Variants in PTPRR observed in about 807,000 individuals in gnomAD.
PTPRR encodes the protein receptor-type tyrosine-protein phosphatase R.
PTPRR carries 38 observed loss-of-function variants against 77.2 expected under a neutral mutation model. That is an observed-to-expected ratio of 0.49 (90% CI 0.38 to 0.65). PTPRR has a LOEUF of 0.65. PTPRR is among the 30% of genes least tolerant of loss of function. The pLI is 0.00. For synonymous variants in PTPRR, 299 were observed against 283.1 expected (o/e 1.06, Z -0.57); for missense variants, 744 against 799.2 (o/e 0.93, Z 0.83).
chr12:70,762,956 C>T (rs907293210), intron 3 of PTPRR, among the ~76,000 whole-genome samples: 1 of 151,986 alleles, frequency 6.6e-6, no homozygotes. Flanking sequence ...CCTCCTTCAC[C>T]CTTGCAAACA....
intron 1 of PTPRR, among the ~76,000 whole-genome samples, chr12:70,905,723 G>T (rs1893611482): frequency 6.6e-6 from 1 of 151,836 alleles, no homozygotes; most frequent in Non-Finnish European, 1.5e-5. Context: ...AAGGTAGAAT[G>T]GCCTTGTATA....
intron 10 of PTPRR, chr12:70,664,787 C>T (rs899250143): frequency 1.3e-5 from 2 of 152,186 alleles, no homozygotes; most frequent in Non-Finnish European, 2.9e-5. Context: ...TTCATTCAAA[C>T]AACCCTTAAT....
chr12:70,718,390 C>T (rs1171301075), intron 6 of PTPRR, among the ~76,000 whole-genome samples: 8 of 152,040 alleles, frequency 5.3e-5, no homozygotes, highest in African/African-American at 9.7e-5. Flanking sequence ...CTCAGCCTCC[C>T]GAGTAGCTGG....
chr12:70,828,496 T>G (rs972971853), intron 2 of PTPRR, among the ~76,000 whole-genome samples: 1 of 152,244 alleles, frequency 6.6e-6, no homozygotes, highest in East Asian at 1.9e-4. Flanking sequence ...AGATGCATTT[T>G]GGCTTCATTT....
intron 2 of PTPRR, among the ~76,000 whole-genome samples, chr12:70,858,772 C>G (rs1892696629): frequency 6.6e-6 from 1 of 152,008 alleles, no homozygotes; most frequent in Non-Finnish European, 1.5e-5. Context: ...ATAAAGGCTA[C>G]TCAATGTTGC....
chr12:70,724,106 GTTT>G (rs569392403), intron 6 of PTPRR, among the ~76,000 whole-genome samples: 23 of 152,022 alleles, frequency 1.5e-4, no homozygotes, highest in Non-Finnish European at 1.5e-4. Context: ...GTTATAAGAG[GTTT>G]TTTAAGTTAC....
At chr12:70,682,889 T>C (rs1052055531) in intron 10 of PTPRR, among the ~76,000 whole-genome samples, 9 of 152,108 alleles carry the variant, frequency 5.9e-5, no homozygotes, top group Non-Finnish European at 1.0e-4. Context: ...GTGAATTGAG[T>C]ATATAACCTT....
At chr12:70,762,086 A>G (rs1460401422) in intron 3 of PTPRR, among the ~76,000 whole-genome samples, 1 of 152,214 alleles carries the variant, frequency 6.6e-6, no homozygotes, top group Non-Finnish European at 1.5e-5. Context: ...TTGGCTAGCT[A>G]AAGAAGATGG....
chr12:70,869,393 A>G (rs1892922212), intron 2 of PTPRR, among the ~76,000 whole-genome samples: 1 of 152,206 alleles, frequency 6.6e-6, no homozygotes, highest in Admixed American at 6.5e-5. Flanking sequence ...GGAACTCCAG[A>G]TGCTGCGTCC....
At chr12:70,914,605 AG>A (rs1893747339) in intron 1 of PTPRR, among the ~76,000 whole-genome samples, 2 of 152,206 alleles carry the variant, frequency 1.3e-5, no homozygotes, top group South Asian at 4.1e-4. Flanking sequence ...TCACAATGTT[AG>A]GGAATATTTA....
chr12:70,808,501 C>T (rs1392730693), intron 2 of PTPRR, among the ~76,000 whole-genome samples: 1 of 152,208 alleles, frequency 6.6e-6, no homozygotes, highest in East Asian at 1.9e-4. Flanking sequence ...CTCCCTTGGA[C>T]ACCCAGCTTT....
At chr12:70,887,384 G>A (rs187634057) in intron 2 of PTPRR, among the ~76,000 whole-genome samples, 143 of 152,048 alleles carry the variant, frequency 9.4e-4, no homozygotes, top group African/African-American at 3.3e-3. Context: ...CCCAGGAGGC[G>A]AAGGTTGCAG....
intron 2 of PTPRR, among the ~76,000 whole-genome samples, chr12:70,798,417 C>A (rs559280214): frequency 2.6e-5 from 4 of 152,122 alleles, no homozygotes; most frequent in African/African-American, 7.2e-5. Flanking sequence ...AAAATATACA[C>A]GAGATCAAAT....
intron 10 of PTPRR, among the ~76,000 whole-genome samples, chr12:70,675,789 A>G (rs933103443): frequency 3.3e-5 from 5 of 151,744 alleles, no homozygotes; most frequent in Non-Finnish European, 7.4e-5. Flanking sequence ...CCTGTAGGAT[A>G]GATTTGTTGG....
intron 2 of PTPRR, among the ~76,000 whole-genome samples, chr12:70,870,037 A>G (rs1041553181): frequency 1.3e-5 from 2 of 152,038 alleles, no homozygotes; most frequent in Non-Finnish European, 2.9e-5. Context: ...AAGAGGAAAC[A>G]TTTTCACCGG....
intron 10 of PTPRR, among the ~76,000 whole-genome samples, chr12:70,667,067 T>G (rs1887036431): frequency 6.8e-6 from 1 of 148,072 alleles, no homozygotes. Flanking sequence ...CCCATTCTCC[T>G]GCCTCAGCCT....
At chr12:70,916,924 A>T (rs1893783528) in intron 1 of PTPRR, among the ~76,000 whole-genome samples, 1 of 152,240 alleles carries the variant, frequency 6.6e-6, no homozygotes, top group Non-Finnish European at 1.5e-5. Context: ...CTCAAAGAGA[A>T]AGCAATGGAT....
At chr12:70,865,295 T>C (rs1892824087) in intron 2 of PTPRR, among the ~76,000 whole-genome samples, 2 of 152,208 alleles carry the variant, frequency 1.3e-5, no homozygotes, top group Non-Finnish European at 1.5e-5. Context: ...CAGGTGTATC[T>C]TTATCAGCAG....
intron 1 of PTPRR, among the ~76,000 whole-genome samples, chr12:70,918,185 T>C (rs1358875231): frequency 6.6e-6 from 1 of 152,240 alleles, no homozygotes; most frequent in African/African-American, 2.4e-5. Context: ...TGTTATTAGA[T>C]AACTGTGATA....
Sources: gnomAD v4.1 joint callset for allele counts (sites outside exome capture counted in the v4.1 genomes callset) on GRCh38, gnomAD v4.1.1 for gene constraint, MANE v1.5 for transcripts, NCBI Gene and HGNC (gene_info 2026-07-23, HGNC 2026-07-21) for gene names.